The following NDFIP2 variants were observed in gnomAD, a reference collection of about 807,000 sequenced individuals.
NDFIP2 encodes Nedd4 family interacting protein 2, also known as NEDD4 family-interacting protein 2.
A neutral mutation model predicts 36.0 loss-of-function variants in NDFIP2; 19 were observed. The ratio of observed to expected loss-of-function variants is 0.53; its 90% CI spans 0.37 to 0.77. NDFIP2 has a LOEUF of 0.77. Among genes scored for constraint, NDFIP2 ranks in the 30% least tolerant of loss-of-function variants. NDFIP2 has a pLI of 0.00. For synonymous variants in NDFIP2, 181 were observed against 167.7 expected, an observed-to-expected ratio of 1.08 and a Z score of -0.61; for missense variants, 446 against 435.8, an observed-to-expected ratio of 1.02 and a Z score of -0.21.
intron 4 of NDFIP2, among the ~76,000 whole-genome samples, chr13:79,542,505 G>GTTTTTTT (rs1454824183): frequency 2.0e-5 from 3 of 149,312 alleles, no homozygotes; most frequent in African/African-American, 7.6e-5. Flanking sequence ...GTGTTGTTCT[G>GTTTTTTT]TTTTTTGTTT....
intron 1 of NDFIP2, among the ~76,000 whole-genome samples, chr13:79,502,329 A>G (rs1177889048): frequency 6.6e-6 from 1 of 152,170 alleles, no homozygotes; most frequent in Admixed American, 6.6e-5. Flanking sequence ...AAAAGGACAA[A>G]AGAATTCTTC....
chr13:79,527,431 T>G lies in NDFIP2; in HGVS notation c.488-5892T>G, dbSNP rs79720246. 4.6e-5 allele frequency among the ~76,000 whole-genome samples: 7 copies of G among 152,282 alleles called. No homozygotes were observed. The East Asian group carries it at 1.4e-3, about 29-fold the overall frequency. On this transcript the variant is annotated intron_variant, in intron 2 of 7. Coordinates refer to ENST00000218652, the MANE Select transcript of NDFIP2 (RefSeq NM_019080.3). ...GTTAAAAATAATCACTTAGTCTGGA[T>G]GGTATAGTAATTGGGTTGTTTTCAC...
intron 1 of NDFIP2, among the ~76,000 whole-genome samples, chr13:79,500,846 G>A (rs898529584): frequency 2.6e-5 from 4 of 151,914 alleles, no homozygotes; most frequent in Non-Finnish European, 4.4e-5. Context: ...GTAAGCTTAC[G>A]GTCCATTCAA....
chr13:79,512,325 C>T (rs1874108397), intron 1 of NDFIP2, among the ~76,000 whole-genome samples: 1 of 152,136 alleles, frequency 6.6e-6, no homozygotes, highest in Admixed American at 6.5e-5. Context: ...AATTCAAACA[C>T]TATCATTTAA....
Position 79,481,424 on chromosome 13 carries a change from C to T in NDFIP2, c.221C>T (p.Ala74Val). ...GCGACGACGTCGTCGACGGGGGTGG[C>T]CGTGGGAGCTGAGCACGGAGAAGAC... ...PAATTSSTGV[A>V]VGAEHGEDSL... Residue 74 changes from alanine (A) to valine (V), a missense_variant, in exon 1 of 8, where the codon GCC (alanine) becomes GTC (valine). Physicochemically the swap from Ala to Val is moderately conservative, Grantham distance 64. This residue lies in a region of NDFIP2 where 369 missense variants were observed against 304.8 expected (regional missense o/e 1.21). Transcript: ENST00000218652. 1 of 1,559,050 alleles carries T rather than the reference C, an allele frequency of 6.4e-7. No individual in the cohort carries two copies. Among genetic ancestry groups the T allele is most frequent in the Non-Finnish European group, 8.7e-7 (1 of 1,151,200 alleles).
rs372487897 is a variant in NDFIP2, at chr13:79,539,605, C to T, written c.622-77C>T. The T allele has an allele frequency of 5.2e-6, 6 of 1,153,106 alleles. No homozygotes were observed. In the South Asian group the frequency reaches 6.3e-5, roughly 12 times the overall value. The allele number at this position is 1,153,106 out of a possible 1,614,324, so 71.4% of individuals were successfully genotyped here. A position where few individuals can be genotyped will look rare whatever the true frequency, so the allele number is the denominator to read the frequency against. On this transcript the variant is annotated intron_variant, in intron 3 of 7. Transcript: ENST00000218652. ...AACAAATTGAGAACATTAGATGTTG[C>T]TGAAGTTCTTATGCTTACATTTAAG...
At position 79,481,724 on chromosome 13, in the gene NDFIP2, C is replaced by T. The variant is rs527968477; in HGVS notation, c.321+200C>T. Among the ~76,000 whole-genome samples, 6 of 152,282 alleles carry T rather than the reference C, an allele frequency of 3.9e-5. No homozygotes were observed. In the South Asian group the frequency reaches 1.0e-3, roughly 26 times the overall value. On this transcript the variant is annotated intron_variant, in intron 1 of 7. Transcript: ENST00000218652. The stretch of plus-strand genomic sequence containing the variant: ...TGCCTAGGACTCCTTCGAAACCCTT[C>T]TCTCTCGCCCCAAGTCTGCTTAGCT...
rs1337021057 is a variant in NDFIP2, at chr13:79,554,267, A to G, written c.*1754A>G. 6.6e-6 allele frequency: 1 copy of G among 151,780 alleles called. No homozygotes were observed. The highest frequency in any genetic ancestry group is 1.5e-5 in the Non-Finnish European group (1 of 67,714). The allele number at this position is 151,780 out of a possible 1,614,324, so 9.4% of individuals were successfully genotyped here. A position where few individuals can be genotyped will look rare whatever the true frequency, so the allele number is the denominator to read the frequency against. ...GTTGCCTAATTTGGAAGTTAATTAA[A>G]ATTAAACTGTACTAATAACATATTC... On this transcript the variant is annotated 3_prime_UTR_variant, in exon 8 of 8. Coordinates refer to ENST00000218652, the MANE Select transcript of NDFIP2 (RefSeq NM_019080.3).
intron 1 of NDFIP2, among the ~76,000 whole-genome samples, chr13:79,488,405 A>G (rs1244231420): frequency 3.3e-5 from 5 of 152,156 alleles, no homozygotes; most frequent in African/African-American, 1.2e-4. Flanking sequence ...AAATTATACA[A>G]ATGAGTACAC....
At chr13:79,498,822 CA>C in intron 1 of NDFIP2, among the ~76,000 whole-genome samples, 1 of 151,960 alleles carries the variant, frequency 6.6e-6, no homozygotes, top group African/African-American at 2.4e-5. Flanking sequence ...AGGACATTCT[CA>C]AACCATAGCA....
chr13:79,550,788 C>T (rs1045881349), intron 6 of NDFIP2, among the ~76,000 whole-genome samples: 1 of 151,384 alleles, frequency 6.6e-6, no homozygotes, highest in African/African-American at 2.4e-5. Context: ...ATTTTTATAG[C>T]TAGATTTGCT....
At chr13:79,493,210 C>G (rs1203960356) in intron 1 of NDFIP2, among the ~76,000 whole-genome samples, 2 of 152,076 alleles carry the variant, frequency 1.3e-5, no homozygotes, top group African/African-American at 4.8e-5. Context: ...AAATGAATGT[C>G]TTTTCTGAAT....
At chr13:79,494,806 A>AATTT (rs1235534537) in intron 1 of NDFIP2, among the ~76,000 whole-genome samples, 1 of 151,970 alleles carries the variant, frequency 6.6e-6, no homozygotes, top group Non-Finnish European at 1.5e-5. Flanking sequence ...TGCTGACATA[A>AATTT]AGCTCATTTT....
At position 79,485,716 on chromosome 13, in the gene NDFIP2, T is replaced by A. The variant is rs374417488; in HGVS notation, c.321+4192T>A. 3.5e-4 allele frequency among the ~76,000 whole-genome samples: 54 copies of A among 152,354 alleles called. No homozygotes were observed. In the South Asian group the frequency reaches 9.9e-3, roughly 28 times the overall value. Reference sequence around the variant, plus strand: ...ATGTTGCTTGATTTCTCTGTTATACTGACAGTATGAATGTTCTTTGAAACT... The same window carrying A: ...ATGTTGCTTGATTTCTCTGTTATACAGACAGTATGAATGTTCTTTGAAACT... On this transcript the variant is annotated intron_variant, in intron 1 of 7. Transcript: ENST00000218652.
rs145798404 is a variant in NDFIP2 at position 79,498,533 on chromosome 13, CTCA to C, written c.321+17011_321+17013del. ...AGTTTATAAGAAAATAAATTGATTT[CTCA>C]TAGTTCTGGATGCTGGGAAGTTCAT... On this transcript the variant is annotated intron_variant, in intron 1 of 7. Coordinates refer to ENST00000218652, the MANE Select transcript of NDFIP2 (RefSeq NM_019080.3). 4.1e-3 allele frequency among the ~76,000 whole-genome samples: 622 copies of C among 152,074 alleles called. 7 individuals carry two copies. The highest frequency in any genetic ancestry group is 0.014 in the African/African-American group (598 of 41,530).
rs777025808 is a variant in NDFIP2, at chr13:79,481,238, G to A, written c.35G>A (p.Ser12Asn). 5 of 1,523,954 alleles carry A rather than the reference G, an allele frequency of 3.3e-6. No individual in the cohort carries two copies. The African/African-American group carries it at 5.6e-5, about 17-fold the overall frequency. 94.4% of individuals were successfully genotyped at this position (1,523,954 alleles called of 1,614,324 possible). Reference protein sequence around the residue: ...ARRRSQRVCASGPSMLNSARG... With the variant: ...ARRRSQRVCANGPSMLNSARG... ...CGGCGGAGCCAGCGAGTCTGCGCGAGCGGTCCGAGCATGCTCAATAGCGCG... is the reference window on the plus strand; with the variant it reads ...CGGCGGAGCCAGCGAGTCTGCGCGAACGGTCCGAGCATGCTCAATAGCGCG... Residue 12 changes from serine to asparagine, a missense_variant, in exon 1 of 8, where the codon AGC becomes AAC. Transcript: ENST00000218652.
intron 1 of NDFIP2, among the ~76,000 whole-genome samples, chr13:79,515,386 T>G (rs1874254424): frequency 6.6e-6 from 1 of 152,222 alleles, no homozygotes. Context: ...CACTTTGTTT[T>G]CAAAACAAGA....
chr13:79,521,008 C>G (rs764892636), intron 2 of NDFIP2, 33 bp downstream of exon 2: 1 of 1,216,866 alleles, frequency 8.2e-7, no homozygotes, highest in African/African-American at 1.5e-5. Context: ...TTTATTAGTT[C>G]TTTTTTTTTT....
chr13:79,510,975 G>A (rs1036170332), intron 1 of NDFIP2, among the ~76,000 whole-genome samples: 2 of 146,952 alleles, frequency 1.4e-5, no homozygotes, highest in Admixed American at 7.1e-5. Flanking sequence ...CTCAAGCCTG[G>A]GTGACAGAGC....
Sources: gnomAD v4.1 joint callset for allele counts (sites outside exome capture counted in the v4.1 genomes callset) on GRCh38, gnomAD v4.1.1 for gene constraint, gnomAD v4.1.1 regional missense constraint, MANE v1.5 for transcripts, NCBI Gene and HGNC (gene_info 2026-07-23, HGNC 2026-07-21) for gene names.